Variants in OSBPL6 observed in about 807,000 individuals in gnomAD.
The protein encoded by OSBPL6 is oxysterol binding protein like 6, also known as oxysterol-binding protein-related protein 6.
In OSBPL6, 49 loss-of-function variants were observed where a neutral mutation model predicts 125.8. The observed-to-expected ratio is 0.39, with a 90% CI of 0.31 to 0.49. OSBPL6 has a LOEUF of 0.49. OSBPL6 is among the 20% of genes least tolerant of loss of function. The probability of loss-of-function intolerance (pLI) is 0.88; values close to 1 mark genes in which losing one functional copy is unlikely to be tolerated. For missense variants in OSBPL6, 986 were observed against 1,135.4 expected (o/e 0.87, Z 1.89); for synonymous variants, 394 against 391.8 (o/e 1.01, Z -0.07).
chr2:178,278,696 T>C (rs889122236), intron 1 of OSBPL6, among the ~76,000 whole-genome samples: 1 of 152,200 alleles, frequency 6.6e-6, no homozygotes, highest in Non-Finnish European at 1.5e-5. Context: ...ACCTATTGGA[T>C]TGTGGCACTT....
At chr2:178,200,513 A>C (rs1161432105) in intron 1 of OSBPL6, among the ~76,000 whole-genome samples, 1 of 152,040 alleles carries the variant, frequency 6.6e-6, no homozygotes, top group Non-Finnish European at 1.5e-5. Flanking sequence ...TGGCCTCCCA[A>C]AGTGCTGACA....
chr2:178,213,180 T>C (rs2089942954), intron 1 of OSBPL6, among the ~76,000 whole-genome samples: 1 of 152,086 alleles, frequency 6.6e-6, no homozygotes, highest in Non-Finnish European at 1.5e-5. Flanking sequence ...AAAATGTCAG[T>C]ACTTCCAGGA....
chr2:178,193,832 G>A (rs117807540), upstream of OSBPL6, among the ~76,000 whole-genome samples: 1,214 of 152,294 alleles, frequency 8.0e-3, 25 homozygotes, highest in East Asian at 0.076. Flanking sequence ...CTTTGCCAGG[G>A]GCTTGAAGGA....
At chr2:178,283,823 C>A (rs1684447460) in intron 1 of OSBPL6, among the ~76,000 whole-genome samples, 2 of 151,992 alleles carry the variant, frequency 1.3e-5, no homozygotes, top group Admixed American at 6.6e-5. Context: ...ACAGAGGAAG[C>A]AAGAGAGAGA....
intron 1 of OSBPL6, among the ~76,000 whole-genome samples, chr2:178,256,150 C>T (rs1043298309): frequency 2.0e-5 from 3 of 152,136 alleles, no homozygotes; most frequent in African/African-American, 4.8e-5. Flanking sequence ...CTGTGCAGTT[C>T]TGTGATGAAT....
rs1691022778 is a variant in OSBPL6, at chr2:178,349,375, T to G, written c.1139T>G (p.Leu380Arg). Residue 380 changes from leucine to arginine, a missense_variant, in exon 12 of 25, where the codon CTA becomes CGA. Leu to Arg is a moderately radical substitution (Grantham distance 102, BLOSUM62 -2). Coordinates refer to ENST00000190611, the MANE Select transcript of OSBPL6 (RefSeq NM_032523.4). ...ACAAAGCTGCAAGAAGAATTTTGTCTAATCGCACAGAAAGGTAAGAACAAA... is the reference window on the plus strand; with the variant it reads ...ACAAAGCTGCAAGAAGAATTTTGTCGAATCGCACAGAAAGGTAAGAACAAA... ...DYTKLQEEFC[L>R]IAQKVHSLLK... The G allele has an allele frequency of 1.2e-6, 2 of 1,614,160 alleles. No homozygotes were observed. The highest frequency in any genetic ancestry group is 1.7e-6 in the Non-Finnish European group (2 of 1,180,002).
Position 178,383,266 on chromosome 2 carries a change from T to C in OSBPL6, c.1864T>C (p.Tyr622His). The C allele has an allele frequency of 1.2e-6, 2 of 1,614,066 alleles. No homozygotes were observed. Among genetic ancestry groups the C allele is most frequent in the Non-Finnish European group, 1.7e-6 (2 of 1,180,012 alleles). ...CAAGGCTTCGGAAACTGATGATCCATATGAGCGCATGGTAATAAATAACTA... is the reference window on the plus strand; with the variant it reads ...CAAGGCTTCGGAAACTGATGATCCACATGAGCGCATGGTAATAAATAACTA... ...LDKASETDDP[Y>H]ERMVLVAAFA... Residue 622 changes from tyrosine to histidine, a missense_variant, in exon 17 of 25, where the codon TAT (tyrosine) becomes CAT (histidine). Physicochemically the swap from Tyr to His is moderately conservative, Grantham distance 83. Transcript: ENST00000190611.
At chr2:178,386,938 A>G in intron 19 of OSBPL6, 123 bp from the exon 20 acceptor site, 1 of 521,654 alleles carries the variant, frequency 1.9e-6, no homozygotes, top group Non-Finnish European at 3.3e-6. Context: ...ATACTAAATC[A>G]GCAATATAGA....
chr2:178,317,383 C>T (rs571027026), intron 3 of OSBPL6, among the ~76,000 whole-genome samples: 1 of 144,680 alleles, frequency 6.9e-6, no homozygotes, highest in Non-Finnish European at 1.5e-5. Context: ...TTCCTGCTTA[C>T]ATTTGATCTC....
chr2:178,309,565 G>A (rs1469216752), intron 3 of OSBPL6, among the ~76,000 whole-genome samples: 1 of 152,174 alleles, frequency 6.6e-6, no homozygotes, highest in African/African-American at 2.4e-5. Flanking sequence ...AGGGAGAGGA[G>A]CTACGAAATA....
chr2:178,365,361 T>C (rs948510544), intron 13 of OSBPL6, among the ~76,000 whole-genome samples: 1 of 152,218 alleles, frequency 6.6e-6, no homozygotes, highest in Admixed American at 6.5e-5. Context: ...ATAAAATACT[T>C]GAAATTAGCA....
intron 1 of OSBPL6, among the ~76,000 whole-genome samples, chr2:178,267,881 G>A (rs943690935): frequency 1.3e-5 from 2 of 151,206 alleles, no homozygotes; most frequent in African/African-American, 4.9e-5. Context: ...AATGAATGAC[G>A]CTATCAGTGG....
chr2:178,194,989 A>G (rs1319428673), intron 1 of OSBPL6, among the ~76,000 whole-genome samples: 1 of 152,030 alleles, frequency 6.6e-6, no homozygotes, highest in Non-Finnish European at 1.5e-5. Flanking sequence ...GCCTGCCACT[A>G]GCGCTCGCAT....
intron 5 of OSBPL6, among the ~76,000 whole-genome samples, chr2:178,329,690 G>A (rs1689026064): frequency 6.6e-6 from 1 of 152,150 alleles, no homozygotes; most frequent in Non-Finnish European, 1.5e-5. Flanking sequence ...CTCCCAAAGT[G>A]CTGGGATTAC....
chr2:178,240,239 A>G (rs745847477), intron 1 of OSBPL6, among the ~76,000 whole-genome samples: 4 of 152,142 alleles, frequency 2.6e-5, no homozygotes, highest in Non-Finnish European at 5.9e-5. Flanking sequence ...GTATAAATGT[A>G]CTTAATACCC....
At chr2:178,258,495 G>A (rs1425679267) in intron 1 of OSBPL6, among the ~76,000 whole-genome samples, 8 of 152,198 alleles carry the variant, frequency 5.3e-5, no homozygotes, top group South Asian at 2.1e-4. Flanking sequence ...ACTCAGCCAC[G>A]ACAATTATTG....
chr2:178,389,248 T>C, intron 21 of OSBPL6, 95 bp downstream of exon 21: 1 of 1,231,154 alleles, frequency 8.1e-7, no homozygotes, highest in Non-Finnish European at 1.1e-6. Flanking sequence ...CAAGTGAATC[T>C]GTCCTGTATC....
chr2:178,360,265 A>G (rs975829944), intron 12 of OSBPL6, among the ~76,000 whole-genome samples: 6 of 152,228 alleles, frequency 3.9e-5, no homozygotes, highest in Non-Finnish European at 8.8e-5. Flanking sequence ...TAGGATGAAC[A>G]AGTAGAAAGA....
chr2:178,240,903 A>G (rs1473811638), intron 1 of OSBPL6, among the ~76,000 whole-genome samples: 1 of 152,116 alleles, frequency 6.6e-6, no homozygotes, highest in Non-Finnish European at 1.5e-5. Flanking sequence ...ATAGTATCCT[A>G]ATTTTGGCTC....
Sources: gnomAD v4.1 joint callset for allele counts (sites outside exome capture counted in the v4.1 genomes callset) on GRCh38, gnomAD v4.1.1 for gene constraint, MANE v1.5 for transcripts, NCBI Gene and HGNC (gene_info 2026-07-23, HGNC 2026-07-21) for gene names.